GSE1: variants seen among roughly 807,000 people sequenced by gnomAD.
GSE1 encodes Gse1 coiled-coil protein, also known as genetic suppressor element 1.
In GSE1, 32 loss-of-function variants were observed where a neutral mutation model predicts 112.6. The observed-to-expected ratio is 0.28, with a 90% CI of 0.21 to 0.38. GSE1 has a LOEUF of 0.38. Ranked by LOEUF, GSE1 falls within the 10% of genes least tolerant of loss-of-function variation. GSE1 has a pLI of 1.00. For synonymous variants in GSE1, 1,115 were observed against 735.6 expected, an observed-to-expected ratio of 1.52 and a Z score of -8.35; for missense variants, 2,348 against 1,699.2, an observed-to-expected ratio of 1.38 and a Z score of -6.71.
intron 1 of GSE1, among the ~76,000 whole-genome samples, chr16:85,241,030 C>G (rs1232268203): frequency 3.9e-5 from 6 of 152,180 alleles, no homozygotes; most frequent in African/African-American, 1.4e-4. Context: ...GAGGCCGTTT[C>G]CATCTTCCAT....
intron 1 of GSE1, among the ~76,000 whole-genome samples, chr16:85,208,114 G>A (rs1005504065): frequency 6.6e-6 from 1 of 152,178 alleles, no homozygotes; most frequent in African/African-American, 2.4e-5. Flanking sequence ...AGGATGCCTG[G>A]TTGTCGTCCT....
At chr16:85,209,399 C>G (rs902723893) in intron 1 of GSE1, among the ~76,000 whole-genome samples, 1 of 152,190 alleles carries the variant, frequency 6.6e-6, no homozygotes, top group African/African-American at 2.4e-5. Context: ...GCCCCCGCCC[C>G]TGCTCTGATC....
In GSE1 at chr16:85,486,556, G is replaced by GCCTTAGA. The variant is rs1567528260; in HGVS notation, c.2464+128917_2464+128918insAGACCTT. ...AATTTCAGGATTCCAAACTGATAAG[G>GCCTTAGA]CCTTGCCTCTGTGTGGAACCGTCCA... On this transcript the variant is annotated intron_variant, in intron 2 of 2. Coordinates refer to the GSE1 transcript ENST00000637419. Among the ~76,000 whole-genome samples, 6 of 152,346 alleles carry GCCTTAGA rather than the reference G, an allele frequency of 3.9e-5. No homozygotes were observed. In the South Asian group the frequency reaches 1.2e-3, roughly 32 times the overall value.
chr16:85,321,201 C>G (rs556218404), intron 1 of GSE1, among the ~76,000 whole-genome samples: 1 of 152,270 alleles, frequency 6.6e-6, no homozygotes, highest in African/African-American at 2.4e-5. Context: ...GTGCTCAACT[C>G]CATCTGTAGC....
chr16:85,399,521 C>T (rs773244964), intron 2 of GSE1, among the ~76,000 whole-genome samples: 2 of 152,258 alleles, frequency 1.3e-5, no homozygotes, highest in African/African-American at 2.4e-5. Flanking sequence ...TCACAGCCCC[C>T]ATCCTTGCGG....
chr16:85,515,762 A>C (rs1370775389), intron 2 of GSE1, among the ~76,000 whole-genome samples: 1 of 151,800 alleles, frequency 6.6e-6, no homozygotes, highest in Non-Finnish European at 1.5e-5. Flanking sequence ...ACACATTGGA[A>C]CCTGCTCTTC....
chr16:85,428,157 T>G (rs56210790), intron 2 of GSE1, among the ~76,000 whole-genome samples: 1 of 152,120 alleles, frequency 6.6e-6, no homozygotes, highest in Non-Finnish European at 1.5e-5. Flanking sequence ...TCTTTGAGCC[T>G]CTCCAGATCC....
At chr16:85,211,132 T>C (rs376655205) in intron 1 of GSE1, among the ~76,000 whole-genome samples, 5 of 152,222 alleles carry the variant, frequency 3.3e-5, no homozygotes, top group African/African-American at 9.6e-5. Context: ...GCCACAGGCA[T>C]GCTTACCCAC....
At chr16:85,631,009 C>T (rs2049495576) in intron 1 of GSE1, among the ~76,000 whole-genome samples, 1 of 151,252 alleles carries the variant, frequency 6.6e-6, no homozygotes, top group South Asian at 2.1e-4. Flanking sequence ...GCAGTATCCC[C>T]TGGGGGGGTG....
chr16:85,597,040 T>C (rs1425728978), intron 1 of GSE1, among the ~76,000 whole-genome samples: 1 of 151,848 alleles, frequency 6.6e-6, no homozygotes, highest in African/African-American at 2.4e-5. Flanking sequence ...TACAGTGGCA[T>C]GACCTTGGCT....
intron 1 of GSE1, among the ~76,000 whole-genome samples, chr16:85,299,827 T>G (rs1454011452): frequency 6.6e-6 from 1 of 151,142 alleles, no homozygotes; most frequent in Non-Finnish European, 1.5e-5. Context: ...TCACAGCTAA[T>G]CAGGAGGCAG....
chr16:85,461,655 C>G (rs948041796), intron 2 of GSE1, among the ~76,000 whole-genome samples: 2 of 152,158 alleles, frequency 1.3e-5, no homozygotes, highest in African/African-American at 2.4e-5. Context: ...AAAGCCCCCA[C>G]CCCTTTAATT....
chr16:85,390,054 C>T (rs1249522566), intron 2 of GSE1, among the ~76,000 whole-genome samples: 1 of 152,202 alleles, frequency 6.6e-6, no homozygotes, highest in East Asian at 1.9e-4. Context: ...TGGGATTCAG[C>T]TGCAGATCAG....
intron 2 of GSE1, among the ~76,000 whole-genome samples, chr16:85,507,423 G>A (rs781388569): frequency 4.6e-5 from 7 of 152,238 alleles, no homozygotes; most frequent in African/African-American, 7.2e-5. Context: ...CCAGAAGGCT[G>A]GGATTCCCAT....
intron 1 of GSE1, among the ~76,000 whole-genome samples, chr16:85,237,728 C>T (rs1904806471): frequency 6.6e-6 from 1 of 151,912 alleles, no homozygotes; most frequent in African/African-American, 2.4e-5. Flanking sequence ...GTCCCAGCTA[C>T]TTGGGAGGCT....
intron 1 of GSE1, among the ~76,000 whole-genome samples, chr16:85,200,929 A>G (rs190626575): frequency 1.3e-5 from 2 of 152,304 alleles, no homozygotes; most frequent in Admixed American, 6.5e-5. Context: ...CTTCTCCGTG[A>G]GTCTGAACAG....
chr16:85,519,680 CCTTCACCACCATCACCA>C (rs2052108252), intron 2 of GSE1, among the ~76,000 whole-genome samples: 1 of 77,750 alleles, frequency 1.3e-5, no homozygotes, highest in African/African-American at 4.5e-5. Context: ...GTCTCCATCA[CCTTCACCACCATCACCA>C]CAGTCTCCAT....
At chr16:85,380,939 T>G (rs1289435619) in intron 2 of GSE1, among the ~76,000 whole-genome samples, 1 of 152,336 alleles carries the variant, frequency 6.6e-6, no homozygotes, top group South Asian at 2.1e-4. Flanking sequence ...TACTTTAATT[T>G]TTTAAAGTTG....
chr16:85,330,512 C>T (rs1204763395), intron 1 of GSE1, among the ~76,000 whole-genome samples: 1 of 152,228 alleles, frequency 6.6e-6, no homozygotes, highest in East Asian at 1.9e-4. Flanking sequence ...TCGCATGTTA[C>T]AGCAGCCGCA....
Sources: allele counts gnomAD v4.1 joint callset (sites outside exome capture counted in the v4.1 genomes callset), GRCh38; gene constraint gnomAD v4.1.1; transcripts MANE v1.5; gene names NCBI Gene and HGNC (gene_info 2026-07-23, HGNC 2026-07-21).